Variants in ZNF611 observed in about 807,000 individuals in gnomAD.
The protein encoded by ZNF611 is zinc finger protein 611.
A neutral mutation model predicts 8.9 loss-of-function variants in ZNF611; 6 were observed. The ratio of observed to expected loss-of-function variants is 0.68; its 90% CI spans 0.37 to 1.34. The LOEUF is 1.34. Ranked by LOEUF, ZNF611 falls within the 40% of genes most tolerant of loss-of-function variation. The pLI is 0.02. For missense variants in ZNF611, 874 were observed against 841.3 expected, an observed-to-expected ratio of 1.04 and a Z score of -0.48; for synonymous variants, 262 against 279.7, an observed-to-expected ratio of 0.94 and a Z score of 0.63.
Position 52,706,021 on chromosome 19 carries a change from C to T in ZNF611, c.1034G>A (p.Cys345Tyr), listed in dbSNP as rs1435872862. The T allele has an allele frequency of 2.5e-6, 4 of 1,614,054 alleles. No individual in the cohort carries two copies. Among genetic ancestry groups the T allele is most frequent in the Non-Finnish European group, 2.5e-6 (3 of 1,180,038 alleles). Reference sequence around the variant, plus strand: ...ATTAAAAGCCTTGTCACATTCATTACACTTGTAAGGATTTTCTCCAGTATC... The same window carrying T: ...ATTAAAAGCCTTGTCACATTCATTATACTTGTAAGGATTTTCTCCAGTATC... ...AIDTGENPYK[C>Y]NECDKAFNQQ... is the part of the protein sequence containing the mutation. The change falls in exon 6 of 6, where the codon TGT (cysteine) becomes TAT (tyrosine). Residue 345 changes from cysteine to tyrosine, a missense_variant. Cys to Tyr is a radical substitution (Grantham distance 194). Transcript: ENST00000652185.
At chr19:52,730,429 A>C (rs2062419323) in intron 1 of ZNF611, among the ~76,000 whole-genome samples, 1 of 140,442 alleles carries the variant, frequency 7.1e-6, no homozygotes, top group Non-Finnish European at 1.5e-5. Flanking sequence ...AAAAAACATG[A>C]TGTAGGCTCC....
At chr19:52,720,363 G>A (rs549517544) in intron 3 of ZNF611, among the ~76,000 whole-genome samples, 43 of 152,112 alleles carry the variant, frequency 2.8e-4, no homozygotes, top group Middle Eastern at 3.4e-3. Flanking sequence ...CCTCCCCGAC[G>A]GGGCGGCCGG....
chr19:52,712,712 T>C (rs1376126033), intron 5 of ZNF611, among the ~76,000 whole-genome samples: 1 of 151,958 alleles, frequency 6.6e-6, no homozygotes, highest in Non-Finnish European at 1.5e-5. Context: ...TGGTCTCGAA[T>C]TCCTGACCTC....
Position 52,705,450 on chromosome 19 carries a change from C to G in ZNF611, c.1605G>C (p.Glu535Asp). 1 of 1,614,180 alleles carries G rather than the reference C, an allele frequency of 6.2e-7. No individual in the cohort carries two copies. Among genetic ancestry groups the G allele is most frequent in the Non-Finnish European group, 8.5e-7 (1 of 1,180,020 alleles). The change falls in exon 6 of 6, where the codon GAG (glutamate) becomes GAC (aspartate). Residue 535 changes from glutamate to aspartate, a missense_variant. By Grantham distance (45) the Glu-to-Asp change is conservative (BLOSUM62 2). Coordinates refer to ENST00000652185, the MANE Select transcript of ZNF611 (RefSeq NM_001161499.2). ...LETHKIGHTGEKPYKCKVCDK... is the reference protein window; with the variant it reads ...LETHKIGHTGDKPYKCKVCDK... ...CACAAACCTTACATTTGTATGGTTTCTCTCCAGTATGACCTATCTTATGTG... is the reference window on the plus strand; with the variant it reads ...CACAAACCTTACATTTGTATGGTTTGTCTCCAGTATGACCTATCTTATGTG...
rs763081250 is a variant in ZNF611 at position 52,735,026 on chromosome 19, C to G, written c.-247G>C. The G allele has an allele frequency of 8.5e-5, 13 of 153,628 alleles. 2 individuals carry two copies. In the South Asian group the frequency reaches 2.4e-3, roughly 29 times the overall value. 9.5% of individuals were successfully genotyped at this position (153,628 alleles called of 1,614,324 possible). The stretch of plus-strand genomic sequence containing the variant: ...CGCGGCGATATGACCTACACTCCAC[C>G]CGATCCGCTTCCGGGTTTGCGTTAA... On this transcript the variant is annotated 5_prime_UTR_variant, in exon 1 of 6. Transcript: ENST00000652185.
chr19:52,727,920 T>A (rs2062402558), intron 3 of ZNF611, among the ~76,000 whole-genome samples: 1 of 150,476 alleles, frequency 6.6e-6, no homozygotes, highest in Non-Finnish European at 1.5e-5. Context: ...TTTTTTTTTT[T>A]TTTTTTTGAG....
intron 3 of ZNF611, among the ~76,000 whole-genome samples, chr19:52,723,209 C>T (rs1568607523): frequency 6.7e-6 from 1 of 149,284 alleles, no homozygotes. Context: ...CCCTCTATTG[C>T]TTCTCTTCCA....
In ZNF611 at chr19:52,706,080, A is replaced by G. The variant is rs751659453; in HGVS notation, c.975T>C (p.Gly325=). The G allele has an allele frequency of 6.2e-6, 10 of 1,613,900 alleles. No individual in the cohort carries two copies. The highest frequency in any genetic ancestry group is 7.6e-6 in the Non-Finnish European group (9 of 1,179,998). ...TATCAATTAGAAGGGCTGAATTTTGACCAAAGATCTTGCCACACTCATTAC... is the reference window on the plus strand; with the variant it reads ...TATCAATTAGAAGGGCTGAATTTTGGCCAAAGATCTTGCCACACTCATTAC... ...YNCNECGKIF[G]QNSALLIDKA... Residue 325 remains glycine (G), a synonymous_variant, in exon 6 of 6, where the codon GGT becomes GGC. Transcript: ENST00000652185.
At chr19:52,730,410 A>AC in intron 1 of ZNF611, among the ~76,000 whole-genome samples, 1 of 148,554 alleles carries the variant, frequency 6.7e-6, no homozygotes, top group Non-Finnish European at 1.5e-5. Context: ...AAAAAAAAAA[A>AC]AAAAAAAAAA....
In ZNF611 at chr19:52,705,134, G is replaced by A. The variant is rs368012122; in HGVS notation, c.1921C>T (p.Arg641Cys). The change falls in exon 6 of 6, where the codon CGT becomes TGT. Residue 641 changes from arginine to cysteine, a missense_variant. Arg to Cys is a radical substitution (Grantham distance 180). Coordinates refer to ENST00000652185, the MANE Select transcript of ZNF611 (RefSeq NM_001161499.2). ...GATTTCTCTCCAGTATGAAGTCTAC[G>A]ATGGTATATAAGGGATGAGCAGTGA... ...FRHCSSLIYH[R>C]RLHTGEKSYK... 32 of 1,613,836 alleles carry A rather than the reference G, an allele frequency of 2.0e-5. No individual in the cohort carries two copies. Among genetic ancestry groups the A allele is most frequent in the Non-Finnish European group, 2.5e-5 (29 of 1,180,008 alleles).
chr19:52,708,441 T>A (rs1343715376), intron 5 of ZNF611: 1 of 152,238 alleles, frequency 6.6e-6, no homozygotes, highest in Non-Finnish European at 1.5e-5. Context: ...GAGACTGCAG[T>A]GAGCCCAGAT....
At chr19:52,725,274 T>G (rs1018235957) in intron 3 of ZNF611, among the ~76,000 whole-genome samples, 10 of 152,006 alleles carry the variant, frequency 6.6e-5, no homozygotes, top group African/African-American at 2.4e-4. Context: ...AGGGACATAG[T>G]GGGAGACGGC....
chr19:52,716,423 G>A lies in ZNF611; in HGVS notation c.-19-510C>T, dbSNP rs545042956. ...ATTTGCAAAATGCCTCGACTCTAAC[G>A]TGAAGCCAGGGTTGAGCTCCACTCA... is the stretch of plus-strand genomic sequence containing the variant. On this transcript the variant is annotated intron_variant, in intron 3 of 5. Coordinates refer to ENST00000652185, the MANE Select transcript of ZNF611 (RefSeq NM_001161499.2). 3.3e-4 allele frequency among the ~76,000 whole-genome samples: 50 copies of A among 152,302 alleles called. 1 individual carries two copies. The highest frequency in any genetic ancestry group is 1.2e-3 in the African/African-American group (48 of 41,552).
intron 3 of ZNF611, 151 bp from the exon 4 acceptor site, chr19:52,716,064 C>T: frequency 2.4e-6 from 2 of 847,762 alleles, no homozygotes; most frequent in Non-Finnish European, 3.6e-6. Flanking sequence ...GGAAGTCCCA[C>T]AGGAAGACCT....
chr19:52,730,391 CA>C (rs1159350274), intron 1 of ZNF611, among the ~76,000 whole-genome samples: 9 of 73,562 alleles, frequency 1.2e-4, no homozygotes, highest in African/African-American at 2.5e-4. Flanking sequence ...GACTCCGTCT[CA>C]AAAAAAAAAA....
At chr19:52,715,123 G>T (rs182192436) in intron 4 of ZNF611, among the ~76,000 whole-genome samples, 1 of 152,268 alleles carries the variant, frequency 6.6e-6, no homozygotes, top group Non-Finnish European at 1.5e-5. Flanking sequence ...GATACATGTG[G>T]TGCTTCAGAG....
At position 52,706,673 on chromosome 19, in the gene ZNF611, G is replaced by A. The variant is rs1422560893; in HGVS notation, c.382C>T (p.Pro128Ser). Residue 128 changes from proline to serine, a missense_variant, in exon 6 of 6, where the codon CCC becomes TCC. Transcript: ENST00000652185. ...QEDERNGLEAPMTKIKKLTGS... is the reference protein window; with the variant it reads ...QEDERNGLEASMTKIKKLTGS... Reference sequence around the variant, plus strand: ...GTCAACTTTTTTATTTTTGTCATGGGTGCTTCAAGGCCATTTCTTTCATCT... The same window carrying A: ...GTCAACTTTTTTATTTTTGTCATGGATGCTTCAAGGCCATTTCTTTCATCT... The A allele has an allele frequency of 6.2e-7, 1 of 1,613,716 alleles. No individual in the cohort carries two copies. Among genetic ancestry groups the A allele is most frequent in the African/African-American group, 1.3e-5 (1 of 74,814 alleles).
At chr19:52,727,145 C>G (rs1402435143) in intron 3 of ZNF611, among the ~76,000 whole-genome samples, 1 of 152,116 alleles carries the variant, frequency 6.6e-6, no homozygotes, top group Non-Finnish European at 1.5e-5. Flanking sequence ...GGATTACACT[C>G]GTGAGTCACT....
chr19:52,712,637 G>GAAA (rs56301635), intron 5 of ZNF611, among the ~76,000 whole-genome samples: 1 of 138,550 alleles, frequency 7.2e-6, no homozygotes, highest in Non-Finnish European at 1.6e-5. Flanking sequence ...TACTCCGTCT[G>GAAA]AAAAAAAAAA....
Sources: gnomAD v4.1 joint callset for allele counts (sites outside exome capture counted in the v4.1 genomes callset) on GRCh38, gnomAD v4.1.1 for gene constraint, MANE v1.5 for transcripts, NCBI Gene and HGNC (gene_info 2026-07-23, HGNC 2026-07-21) for gene names.